SND1: variants seen among roughly 807,000 people sequenced by gnomAD.
The protein encoded by SND1 is staphylococcal nuclease domain-containing protein 1.
SND1 carries 38 observed loss-of-function variants against 121.7 expected under a neutral mutation model. That is an observed-to-expected ratio of 0.31 (90% confidence interval 0.24 to 0.41). SND1 has a LOEUF of 0.41. Ranked by LOEUF, SND1 falls within the 10% of genes least tolerant of loss-of-function variation. The probability of loss-of-function intolerance (pLI) is 1.00; values close to 1 mark genes in which losing one functional copy is unlikely to be tolerated. For missense variants in SND1, 868 were observed against 1,184.6 expected, an observed-to-expected ratio of 0.73 and a Z score of 3.92; for synonymous variants, 401 against 447.4, an observed-to-expected ratio of 0.90 and a Z score of 1.31.
chr7:128,088,067 T>C (rs2117068978), intron 21 of SND1, among the ~76,000 whole-genome samples: 1 of 152,116 alleles, frequency 6.6e-6, no homozygotes, highest in East Asian at 1.9e-4. Context: ...GCAAATTTAC[T>C]CTTTACCTTT....
intron 8 of SND1, 31 bp from the exon 9 acceptor site, chr7:127,707,526 G>A: frequency 1.3e-6 from 2 of 1,596,300 alleles, no homozygotes; most frequent in Non-Finnish European, 1.7e-6. Flanking sequence ...TGCTGAGTCT[G>A]AATGATCTTG....
rs185930885 is a variant in SND1, at chr7:127,680,269, G to A, written c.79-6344G>A. On this transcript the variant is annotated intron_variant, in intron 1 of 23. Transcript: ENST00000354725. Reference sequence around the variant, plus strand: ...GATCACAGGACCACAGGACTGGGGCGAAATTAAAATTGCTAATGAAGTTTC... The same window carrying A: ...GATCACAGGACCACAGGACTGGGGCAAAATTAAAATTGCTAATGAAGTTTC... Among the ~76,000 whole-genome samples the A allele has an allele frequency of 8.3e-4, 127 of 152,270 alleles. 1 individual carries two copies. The highest frequency in any genetic ancestry group is 2.2e-3 in the African/African-American group (92 of 41,572).
At chr7:127,800,116 C>T (rs899140453) in intron 10 of SND1, among the ~76,000 whole-genome samples, 1 of 152,190 alleles carries the variant, frequency 6.6e-6, no homozygotes, top group African/African-American at 2.4e-5. Flanking sequence ...ATGCCCAGGG[C>T]ATGTGGTAAT....
Position 128,086,850 on chromosome 7 carries a change from C to T in SND1, c.2305-88C>T, listed in dbSNP as rs1167542987. 4 of 1,104,096 alleles carry T rather than the reference C, an allele frequency of 3.6e-6. No homozygotes were observed. In the African/African-American group the frequency reaches 4.6e-5, roughly 13 times the overall value. 68.4% of individuals were successfully genotyped at this position (1,104,096 alleles called of 1,614,324 possible). On this transcript the variant is annotated intron_variant, in intron 20 of 23. Coordinates refer to ENST00000354725, the MANE Select transcript of SND1 (RefSeq NM_014390.4). Reference sequence around the variant, plus strand: ...AACAGGGTGGCCCAGAGTTAGCATTCCCAGAGGCCTGGCCACAGAGAGCTG... The same window carrying T: ...AACAGGGTGGCCCAGAGTTAGCATTTCCAGAGGCCTGGCCACAGAGAGCTG...
intron 9 of SND1, among the ~76,000 whole-genome samples, chr7:127,715,198 G>A (rs1396660502): frequency 3.3e-5 from 5 of 150,938 alleles, no homozygotes; most frequent in Admixed American, 2.6e-4. Context: ...CCTAATAGGT[G>A]TGAGGTGATG....
intron 10 of SND1, among the ~76,000 whole-genome samples, chr7:127,776,714 C>T (rs1797626826): frequency 6.6e-6 from 1 of 152,116 alleles, no homozygotes; most frequent in Admixed American, 6.5e-5. Flanking sequence ...TACTGTGTCA[C>T]TTAGACATCC....
At position 127,652,296 on chromosome 7, in the gene SND1, C is replaced by G; in HGVS notation, c.-78C>G. ...CCAGCCTGCCCCTCGCCTCGACTCC[C>G]TTTCACCAACACCGACACCCACATT... On this transcript the variant is annotated 5_prime_UTR_variant, in exon 1 of 24. Transcript: ENST00000354725. The G allele has an allele frequency of 1.6e-6, 2 of 1,279,216 alleles. No homozygotes were observed. Among genetic ancestry groups the G allele is most frequent in the South Asian group, 2.5e-5 (2 of 78,586 alleles). The allele number at this position is 1,279,216 out of a possible 1,614,324, so 79.2% of individuals were successfully genotyped here. A position where few individuals can be genotyped will look rare whatever the true frequency, so the allele number is the denominator to read the frequency against.
chr7:128,068,528 A>C (rs772165717), intron 16 of SND1, among the ~76,000 whole-genome samples: 8 of 152,184 alleles, frequency 5.3e-5, no homozygotes, highest in Non-Finnish European at 7.3e-5. Context: ...GAATCCAGAC[A>C]ATGGGGAGAA....
intron 16 of SND1, among the ~76,000 whole-genome samples, chr7:128,049,897 TC>T (rs1296738904): frequency 5.3e-5 from 8 of 152,160 alleles, no homozygotes. Flanking sequence ...TGTCTTAGAA[TC>T]ATCAAGTGAA....
At chr7:127,832,461 A>G (rs1262710708) in intron 11 of SND1, among the ~76,000 whole-genome samples, 2 of 152,256 alleles carry the variant, frequency 1.3e-5, no homozygotes, top group Non-Finnish European at 2.9e-5. Flanking sequence ...TTCAGCAACT[A>G]GAGAAGTAGA....
chr7:127,767,711 A>C (rs1797446360), intron 10 of SND1, among the ~76,000 whole-genome samples: 2 of 152,350 alleles, frequency 1.3e-5, no homozygotes, highest in South Asian at 4.1e-4. Flanking sequence ...TCTGGATAGC[A>C]GTGTCATATA....
chr7:128,055,257 C>G (rs915878816), intron 16 of SND1, among the ~76,000 whole-genome samples: 1 of 152,162 alleles, frequency 6.6e-6, no homozygotes, highest in African/African-American at 2.4e-5. Context: ...TGCTCCTCCC[C>G]CTGGCAGCTC....
intron 16 of SND1, among the ~76,000 whole-genome samples, chr7:127,992,059 A>G (rs538586239): frequency 1.3e-5 from 2 of 152,268 alleles, no homozygotes; most frequent in South Asian, 2.1e-4. Flanking sequence ...GGAGTGGCCT[A>G]ACAAATCCTG....
rs969157433 is a variant in SND1 at position 127,812,167 on chromosome 7, G to A, written c.1242+4594G>A. 5.3e-5 allele frequency among the ~76,000 whole-genome samples: 8 copies of A among 152,306 alleles called. 1 individual carries two copies. In the South Asian group the frequency reaches 1.7e-3, roughly 32 times the overall value. ...GACTTTTAGAAATGTTTACTTCTCT[G>A]TTGTGTATACTGAGTCAGATATAGA... On this transcript the variant is annotated intron_variant, in intron 11 of 23. Coordinates refer to ENST00000354725, the MANE Select transcript of SND1 (RefSeq NM_014390.4).
chr7:127,714,351 A>C (rs1306024793), intron 9 of SND1, among the ~76,000 whole-genome samples: 1 of 152,180 alleles, frequency 6.6e-6, no homozygotes, highest in African/African-American at 2.4e-5. Context: ...TAAACTGTCC[A>C]TGGGTACAGT....
At chr7:127,662,734 C>T (rs531050461) in intron 1 of SND1, among the ~76,000 whole-genome samples, 16 of 152,128 alleles carry the variant, frequency 1.1e-4, no homozygotes, top group East Asian at 1.9e-4. Context: ...TTCTGTGGAG[C>T]GCAGGGCCCA....
At chr7:127,679,436 AT>A (rs1182784226) in intron 1 of SND1, among the ~76,000 whole-genome samples, 5 of 150,754 alleles carry the variant, frequency 3.3e-5, no homozygotes, top group African/African-American at 7.3e-5. Flanking sequence ...GGACCTTAAA[AT>A]TTTTTTTTTA....
intron 9 of SND1, among the ~76,000 whole-genome samples, chr7:127,708,092 G>A (rs1796233356): frequency 6.6e-6 from 1 of 151,946 alleles, no homozygotes; most frequent in South Asian, 2.1e-4. Flanking sequence ...ATCACTTTTG[G>A]TCTAGTATTC....
chr7:127,793,833 A>G (rs1797960949), intron 10 of SND1, among the ~76,000 whole-genome samples: 1 of 152,036 alleles, frequency 6.6e-6, no homozygotes, highest in Non-Finnish European at 1.5e-5. Flanking sequence ...TGTCCTGTGC[A>G]CTGTGACTTG....
Sources: allele counts gnomAD v4.1 joint callset (sites outside exome capture counted in the v4.1 genomes callset), GRCh38; gene constraint gnomAD v4.1.1; transcripts MANE v1.5; gene names NCBI Gene and HGNC (gene_info 2026-07-23, HGNC 2026-07-21).